The following PCSK5 variants were observed in gnomAD, a reference collection of about 807,000 sequenced individuals.
PCSK5 encodes the protein prohormone convertase 5.
In PCSK5, 129 loss-of-function variants were observed where a neutral mutation model predicts 233.2. The ratio of observed to expected loss-of-function variants is 0.55; its 90% CI spans 0.48 to 0.64. The LOEUF is 0.64. PCSK5 is among the 30% of genes least tolerant of loss of function. The pLI, the probability that PCSK5 is intolerant of heterozygous loss-of-function variation, is 0.00. For missense variants in PCSK5, 2,076 were observed against 2,430.1 expected, an observed-to-expected ratio of 0.85 and a Z score of 3.06; for synonymous variants, 825 against 879.2, an observed-to-expected ratio of 0.94 and a Z score of 1.09.
chr9:75,939,849 T>C (rs1587391647), intron 2 of PCSK5, among the ~76,000 whole-genome samples: 1 of 152,186 alleles, frequency 6.6e-6, no homozygotes, highest in Non-Finnish European at 1.5e-5. Flanking sequence ...GGCCAGTTTT[T>C]ATCCAAGACT....
chr9:76,354,096 A>G lies in PCSK5; in HGVS notation c.5131A>G (p.Lys1711Glu). ...CATGGAATGCAAGGGACCAGGGGCC[A>G]AGAACTGCACCTTGTGCCCTGCCAA... ...SCMECKGPGA[K>E]NCTLCPANLV... The change falls in exon 37 of 38, where the codon AAG becomes GAG. Residue 1711 changes from lysine to glutamate, a missense_variant. Lys to Glu is a moderately conservative substitution (Grantham distance 56). Coordinates refer to ENST00000674117, the MANE Select transcript of PCSK5 (RefSeq NM_001372043.1). The G allele has an allele frequency of 1.2e-6, 2 of 1,608,578 alleles. No individual in the cohort carries two copies. The highest frequency in any genetic ancestry group is 8.5e-7 in the Non-Finnish European group (1 of 1,178,058).
chr9:76,081,940 C>G lies in PCSK5; in HGVS notation c.894+10042C>G, dbSNP rs187992343. On this transcript the variant is annotated intron_variant, in intron 7 of 37. Transcript: ENST00000674117. ...TCATACAGACTTCTACTATAGCATA[C>G]TTTCCAAACTTCCCAGCTTGAGCTT... 2.0e-5 allele frequency among the ~76,000 whole-genome samples: 3 copies of G among 152,172 alleles called. No homozygotes were observed. The East Asian group carries it at 5.8e-4, about 29-fold the overall frequency.
chr9:75,902,213 CTAAAAA>C (rs1826068976), intron 1 of PCSK5, among the ~76,000 whole-genome samples: 1 of 38,414 alleles, frequency 2.6e-5, no homozygotes, highest in Non-Finnish European at 4.1e-5. Context: ...GAGACACCAT[CTAAAAA>C]AAAAAAAAAA....
chr9:76,205,007 G>A (rs1825056689), intron 20 of PCSK5, among the ~76,000 whole-genome samples: 1 of 152,132 alleles, frequency 6.6e-6, no homozygotes, highest in Admixed American at 6.6e-5. Context: ...GTTCAGCAAA[G>A]GGGTCATCTC....
intron 35 of PCSK5, among the ~76,000 whole-genome samples, chr9:76,342,392 C>T (rs1304059400): frequency 6.6e-6 from 1 of 151,266 alleles, no homozygotes; most frequent in African/African-American, 2.4e-5. Flanking sequence ...CTTTTTTTTT[C>T]CCCTTCCAAA....
At chr9:76,354,290 G>T (rs992864293) in intron 37 of PCSK5, 71 bp downstream of exon 37, 8 of 1,255,304 alleles carry the variant, frequency 6.4e-6, no homozygotes, top group South Asian at 4.5e-5. Context: ...GCAGAGGGAG[G>T]GGGGGATGGA....
At chr9:76,226,473 C>T (rs1825895435) in intron 20 of PCSK5, among the ~76,000 whole-genome samples, 1 of 152,106 alleles carries the variant, frequency 6.6e-6, no homozygotes, top group Non-Finnish European at 1.5e-5. Flanking sequence ...CTTGGAGTTG[C>T]AGTAAGACAA....
intron 8 of PCSK5, among the ~76,000 whole-genome samples, chr9:76,099,425 G>A (rs542114615): frequency 4.6e-5 from 7 of 152,162 alleles, no homozygotes; most frequent in South Asian, 4.1e-4. Flanking sequence ...ATGTCCGGTC[G>A]CATTGTCGCC....
chr9:76,054,078 G>T (rs1254850404), intron 5 of PCSK5, among the ~76,000 whole-genome samples: 3 of 152,152 alleles, frequency 2.0e-5, no homozygotes, highest in Admixed American at 2.0e-4. Flanking sequence ...CATGTGCAGG[G>T]AAACTGCCCT....
intron 12 of PCSK5, among the ~76,000 whole-genome samples, chr9:76,163,640 A>G (rs1021521879): frequency 6.6e-6 from 1 of 151,824 alleles, no homozygotes; most frequent in Non-Finnish European, 1.5e-5. Context: ...TATTCACAGC[A>G]AGTGATTTAC....
intron 24 of PCSK5, among the ~76,000 whole-genome samples, chr9:76,250,282 CAG>C (rs1826760769): frequency 6.6e-6 from 1 of 152,154 alleles, no homozygotes; most frequent in Non-Finnish European, 1.5e-5. Flanking sequence ...AGCCTGGCGA[CAG>C]AGTGAGACTC....
chr9:76,001,859 A>G (rs920858230), intron 3 of PCSK5, among the ~76,000 whole-genome samples: 3 of 152,194 alleles, frequency 2.0e-5, no homozygotes, highest in Non-Finnish European at 4.4e-5. Context: ...AACCTGATTC[A>G]TTCTGGACAA....
intron 8 of PCSK5, among the ~76,000 whole-genome samples, chr9:76,096,748 C>T (rs566767607): frequency 2.6e-5 from 4 of 151,504 alleles, no homozygotes; most frequent in East Asian, 3.9e-4. Flanking sequence ...ATTACAGGTG[C>T]GCACCACTGT....
intron 2 of PCSK5, among the ~76,000 whole-genome samples, chr9:75,968,182 A>C (rs1186931813): frequency 6.6e-6 from 1 of 152,112 alleles, no homozygotes; most frequent in Non-Finnish European, 1.5e-5. Flanking sequence ...AGTGCCTGGC[A>C]CCTGATTGTG....
At chr9:76,294,695 A>G (rs1828382503) in intron 25 of PCSK5, among the ~76,000 whole-genome samples, 1 of 152,022 alleles carries the variant, frequency 6.6e-6, no homozygotes, top group Non-Finnish European at 1.5e-5. Flanking sequence ...TTGACACATA[A>G]TCAGTACTCT....
chr9:76,006,691 T>C (rs1587488452), intron 3 of PCSK5, among the ~76,000 whole-genome samples: 1 of 152,208 alleles, frequency 6.6e-6, no homozygotes, highest in South Asian at 2.1e-4. Flanking sequence ...ATATGTTTCA[T>C]CCACCATCAG....
intron 1 of PCSK5, among the ~76,000 whole-genome samples, chr9:75,904,156 A>G (rs922188679): frequency 6.6e-6 from 1 of 152,144 alleles, no homozygotes; most frequent in Non-Finnish European, 1.5e-5. Flanking sequence ...CTGGTTGGAC[A>G]ATGCTGGGAA....
At chr9:76,117,658 A>G (rs1832482133) in intron 9 of PCSK5, among the ~76,000 whole-genome samples, 1 of 152,166 alleles carries the variant, frequency 6.6e-6, no homozygotes, top group Non-Finnish European at 1.5e-5. Context: ...TAATTTTTAC[A>G]TTCCTATAAC....
intron 3 of PCSK5, among the ~76,000 whole-genome samples, chr9:76,018,110 C>A (rs1459742968): frequency 6.6e-6 from 1 of 151,698 alleles, no homozygotes; most frequent in Admixed American, 6.6e-5. Flanking sequence ...GATTTCAGAT[C>A]CATTGGAAGG....
Sources: gnomAD v4.1 joint callset for allele counts (sites outside exome capture counted in the v4.1 genomes callset) on GRCh38, gnomAD v4.1.1 for gene constraint, MANE v1.5 for transcripts, NCBI Gene and HGNC (gene_info 2026-07-23, HGNC 2026-07-21) for gene names.